The following VIP variants were observed in gnomAD, a reference collection of about 807,000 sequenced individuals.
VIP encodes VIP peptides.
VIP carries 18 observed loss-of-function variants against 20.1 expected under a neutral mutation model. The observed-to-expected ratio is 0.90, with a 90% confidence interval of 0.62 to 1.33. VIP has a LOEUF of 1.33. Ranked by LOEUF, VIP falls within the 40% of genes most tolerant of loss-of-function variation. The probability of loss-of-function intolerance (pLI) is 0.00; values close to 1 mark genes in which losing one functional copy is unlikely to be tolerated. For synonymous variants in VIP, 70 were observed against 68.1 expected, an observed-to-expected ratio of 1.03 and a Z score of -0.14; for missense variants, 209 against 199.4, an observed-to-expected ratio of 1.05 and a Z score of -0.29.
At position 152,754,170 on chromosome 6, in the gene VIP, G is replaced by C; in HGVS notation, c.112G>C (p.Gly38Arg). Residue 38 changes from glycine (G) to arginine (R), a missense_variant, in exon 3 of 7, where the codon GGT becomes CGT. Physicochemically the swap from Gly to Arg is moderately radical, Grantham distance 125 (BLOSUM62 -2). Coordinates refer to ENST00000367244, the MANE Select transcript of VIP (RefSeq NM_003381.4). ...LYRAPSALRL[G>R]DRIPFEGANE... Reference sequence around the variant, plus strand: ...TCGTGTAACTTTCCCCATCAGGTTGGGTGACAGAATACCCTTTGAGGGAGC... The same window carrying C: ...TCGTGTAACTTTCCCCATCAGGTTGCGTGACAGAATACCCTTTGAGGGAGC... The C allele has an allele frequency of 6.2e-7, 1 of 1,609,238 alleles. No individual in the cohort carries two copies. The highest frequency in any genetic ancestry group is 8.5e-7 in the Non-Finnish European group (1 of 1,177,690).
At chr6:152,751,489 C>G (rs1462025445) in intron 1 of VIP, among the ~76,000 whole-genome samples, 1 of 151,884 alleles carries the variant, frequency 6.6e-6, no homozygotes, top group Admixed American at 6.6e-5. Flanking sequence ...GAAATGCAAG[C>G]TTTGCTTTTA....
chr6:152,754,956 T>C (rs1368494202), intron 3 of VIP, among the ~76,000 whole-genome samples: 2 of 152,012 alleles, frequency 1.3e-5, no homozygotes, highest in Non-Finnish European at 2.9e-5. Flanking sequence ...AAATAGATCA[T>C]ATTTTTACAC....
chr6:152,756,029 T>A, intron 4 of VIP, 105 bp from the exon 5 acceptor site: 1 of 1,202,628 alleles, frequency 8.3e-7, no homozygotes, highest in Non-Finnish European at 1.1e-6. Flanking sequence ...AGAAAATTAG[T>A]TGGGTGGGAA....
At chr6:152,754,813 A>G (rs2099730169) in intron 3 of VIP, among the ~76,000 whole-genome samples, 1 of 151,846 alleles carries the variant, frequency 6.6e-6, no homozygotes, top group South Asian at 2.1e-4. Flanking sequence ...TTTGTTTCCA[A>G]ATATTTTGGA....
chr6:152,756,029 T>C (rs867255119), intron 4 of VIP, 105 bp from the exon 5 acceptor site: 6 of 1,202,510 alleles, frequency 5.0e-6, no homozygotes, highest in Middle Eastern at 2.1e-4. Flanking sequence ...AGAAAATTAG[T>C]TGGGTGGGAA....
In VIP at chr6:152,754,076, T is replaced by C. The variant is rs2099730051; in HGVS notation, c.108-90T>C. 13 of 1,398,674 alleles carry C rather than the reference T, an allele frequency of 9.3e-6. No homozygotes were observed. The South Asian group carries it at 2.0e-4, about 22-fold the overall frequency. The allele number at this position is 1,398,674 out of a possible 1,614,324, so 86.6% of individuals were successfully genotyped here. ...ATGACTGGGTAATACTTCCCAAGAGTCTAAGTATCTTATTTTAAATGGTTG... is the reference window on the plus strand; with the variant it reads ...ATGACTGGGTAATACTTCCCAAGAGCCTAAGTATCTTATTTTAAATGGTTG... On this transcript the variant is annotated intron_variant, in intron 2 of 6. Coordinates refer to ENST00000367244, the MANE Select transcript of VIP (RefSeq NM_003381.4).
chr6:152,752,101 G>A (rs2099729743), intron 1 of VIP, 67 bp from the exon 2 acceptor site: 2 of 1,156,726 alleles, frequency 1.7e-6, no homozygotes, highest in Non-Finnish European at 2.6e-6. Context: ...ATTACTGCTA[G>A]ACAATCAGAA....
chr6:152,756,360 T>A, intron 5 of VIP, 95 bp downstream of exon 5: 1 of 1,366,068 alleles, frequency 7.3e-7, no homozygotes, highest in African/African-American at 1.5e-5. Flanking sequence ...CTTATCTAGC[T>A]ATACTACGTG....
chr6:152,753,305 C>T (rs961793230), intron 2 of VIP, among the ~76,000 whole-genome samples: 1 of 152,134 alleles, frequency 6.6e-6, no homozygotes, highest in Non-Finnish European at 1.5e-5. Context: ...TGACTCCCAA[C>T]TCCCAAATCA....
intron 1 of VIP, among the ~76,000 whole-genome samples, chr6:152,751,823 C>T (rs2129074053): frequency 6.6e-6 from 1 of 152,134 alleles, no homozygotes; most frequent in Non-Finnish European, 1.5e-5. Flanking sequence ...GAAGCTGTTT[C>T]CTTCGTCAAA....
chr6:152,755,439 C>T (rs2099730284), intron 4 of VIP, 66 bp downstream of exon 4: 1 of 1,009,086 alleles, frequency 9.9e-7, no homozygotes, highest in African/African-American at 1.7e-5. Flanking sequence ...TGTATTTTCA[C>T]TCTTAACAAG....
chr6:152,756,949 G>T, intron 5 of VIP, 147 bp from the exon 6 acceptor site: 1 of 620,836 alleles, frequency 1.6e-6, no homozygotes, highest in Non-Finnish European at 2.7e-6. Flanking sequence ...TAATTCATAG[G>T]TACTAACAAA....
intron 4 of VIP, 99 bp from the exon 5 acceptor site, chr6:152,756,035 G>A (rs2099730377): frequency 7.9e-7 from 1 of 1,265,946 alleles, no homozygotes; most frequent in Admixed American, 2.7e-5. Context: ...TTAGTTGGGT[G>A]GGAATTGCTT....
intron 2 of VIP, among the ~76,000 whole-genome samples, chr6:152,753,099 T>G (rs147791658): frequency 6.6e-6 from 1 of 152,186 alleles, no homozygotes; most frequent in Non-Finnish European, 1.5e-5. Context: ...GGTAGACTTA[T>G]GCTCAACAGA....
intron 4 of VIP, 69 bp from the exon 5 acceptor site, chr6:152,756,065 C>A: frequency 3.6e-6 from 5 of 1,389,440 alleles, no homozygotes; most frequent in East Asian, 2.6e-5. Flanking sequence ...CTCCAAGAAA[C>A]CTGGAACATG....
intron 2 of VIP, among the ~76,000 whole-genome samples, chr6:152,753,483 G>C (rs912105530): frequency 6.6e-6 from 1 of 152,022 alleles, no homozygotes; most frequent in Non-Finnish European, 1.5e-5. Flanking sequence ...TAGTCTTTCA[G>C]TGTAACATTG....
At chr6:152,752,107 C>T in intron 1 of VIP, 61 bp from the exon 2 acceptor site, 1 of 1,229,108 alleles carries the variant, frequency 8.1e-7, no homozygotes, top group Non-Finnish European at 1.2e-6. Flanking sequence ...GCTAGACAAT[C>T]AGAATTACCT....
intron 4 of VIP, 126 bp from the exon 5 acceptor site, chr6:152,756,008 C>T: frequency 9.6e-7 from 1 of 1,037,882 alleles, no homozygotes. Context: ...TTCTTTTAGT[C>T]TTTTTATGAT....
intron 5 of VIP, 99 bp downstream of exon 5, chr6:152,756,364 C>A: frequency 7.6e-7 from 1 of 1,320,360 alleles, no homozygotes; most frequent in Non-Finnish European, 1.0e-6. Context: ...TCTAGCTATA[C>A]TACGTGAAGC....
Sources: gnomAD v4.1 joint callset for allele counts (sites outside exome capture counted in the v4.1 genomes callset) on GRCh38, gnomAD v4.1.1 for gene constraint, MANE v1.5 for transcripts, NCBI Gene and HGNC (gene_info 2026-07-23, HGNC 2026-07-21) for gene names.